The following FBXW8 variants were observed in gnomAD, a reference collection of about 807,000 sequenced individuals.
FBXW8 encodes F-box and WD repeat domain containing 8, also known as F-box/WD repeat-containing protein 8.
A neutral mutation model predicts 65.3 loss-of-function variants in FBXW8; 57 were observed. That is an observed-to-expected ratio of 0.87 (90% confidence interval 0.71 to 1.09). The LOEUF (loss-of-function observed/expected upper bound fraction) is 1.09. Among genes scored for constraint, FBXW8 ranks in the 50% least tolerant of loss-of-function variants. FBXW8 has a pLI of 0.00. For synonymous variants in FBXW8, 308 were observed against 330.2 expected, an observed-to-expected ratio of 0.93 and a Z score of 0.73; for missense variants, 777 against 814.8, an observed-to-expected ratio of 0.95 and a Z score of 0.57.
intron 4 of FBXW8, 64 bp from the exon 5 acceptor site, chr12:116,964,632 AT>A (rs1336578950): frequency 5.0e-6 from 8 of 1,593,104 alleles, no homozygotes; most frequent in Non-Finnish European, 6.0e-6. Context: ...GGCTCTGTGC[AT>A]TTTCCCCACC....
intron 1 of FBXW8, among the ~76,000 whole-genome samples, chr12:116,917,545 A>G (rs967425099): frequency 6.6e-6 from 1 of 152,180 alleles, no homozygotes; most frequent in African/African-American, 2.4e-5. Flanking sequence ...TCCACTTCAG[A>G]GTCTTCAGTA....
intron 5 of FBXW8, among the ~76,000 whole-genome samples, chr12:116,984,243 C>T (rs1179544282): frequency 1.3e-5 from 2 of 152,144 alleles, no homozygotes; most frequent in Non-Finnish European, 2.9e-5. Flanking sequence ...GACCACTGGT[C>T]CTAAACTCCA....
rs1879891940 is a variant in FBXW8, at chr12:116,911,166, C to CGGGCGCGGCGAACAGGCCTCGGG, written c.132_154dup (p.Asp52GlyfsTer36). On this transcript the variant is annotated frameshift_variant, in exon 1 of 11. Coordinates refer to ENST00000652555, the MANE Select transcript of FBXW8 (RefSeq NM_153348.3). LOFTEE classifies it high-confidence loss of function. ...GGGCTCGGCGGCCGGAGGTGGGCTC[C>CGGGCGCGGCGAACAGGCCTCGGG]GGGCGCGGCGAACAGGCCTCGGGGG... The CGGGCGCGGCGAACAGGCCTCGGG allele has an allele frequency of 7.5e-7, 1 of 1,331,992 alleles. No homozygotes were observed. Among genetic ancestry groups the CGGGCGCGGCGAACAGGCCTCGGG allele is most frequent in the African/African-American group, 1.5e-5 (1 of 64,768 alleles). The allele number at this position is 1,331,992 out of a possible 1,614,324, so 82.5% of individuals were successfully genotyped here.
intron 8 of FBXW8, 91 bp from the exon 9 acceptor site, chr12:117,024,056 G>A: frequency 7.3e-7 from 1 of 1,372,788 alleles, no homozygotes; most frequent in Non-Finnish European, 1.0e-6. Context: ...GCAGTGTTGT[G>A]CATAGACCAG....
At chr12:116,987,997 A>G (rs1953135904) in intron 6 of FBXW8, among the ~76,000 whole-genome samples, 1 of 152,206 alleles carries the variant, frequency 6.6e-6, no homozygotes, top group Non-Finnish European at 1.5e-5. Context: ...TGGGAGAACC[A>G]TGCCATTTGT....
rs1254016180 is a variant in FBXW8, at chr12:116,985,225, T to G, written c.855T>G (p.Asp285Glu). The G allele has an allele frequency of 6.2e-7, 1 of 1,605,414 alleles. No homozygotes were observed. The highest frequency in any genetic ancestry group is 1.7e-5 in the Admixed American group (1 of 57,688). ...GCATAGGGTTTCTTAATATTTGGGATTTAAGGACCGGAAAGTACCCTGTTC... is the reference window on the plus strand; with the variant it reads ...GCATAGGGTTTCTTAATATTTGGGAGTTAAGGACCGGAAAGTACCCTGTTC... ...AYEDGFLNIWDLRTGKYPVHR... is the reference protein window; with the variant it reads ...AYEDGFLNIWELRTGKYPVHR... Residue 285 changes from aspartate (D) to glutamate (E), a missense_variant, in exon 6 of 11, where the codon GAT becomes GAG. Asp to Glu is a conservative substitution (Grantham distance 45, BLOSUM62 2). Coordinates refer to ENST00000652555, the MANE Select transcript of FBXW8 (RefSeq NM_153348.3).
At chr12:116,967,005 A>G (rs368839356) in intron 5 of FBXW8, among the ~76,000 whole-genome samples, 1 of 151,372 alleles carries the variant, frequency 6.6e-6, no homozygotes, top group African/African-American at 2.4e-5. Context: ...TTTTTTTTTT[A>G]AAGTCATAGT....
At position 116,947,360 on chromosome 12, in the gene FBXW8, A is replaced by G. The variant is rs111491819; in HGVS notation, c.588+1832A>G. Among the ~76,000 whole-genome samples, 327 of 152,200 alleles carry G rather than the reference A, an allele frequency of 2.1e-3. 2 individuals are homozygous for G. The highest frequency in any genetic ancestry group is 7.6e-3 in the African/African-American group (316 of 41,514). The stretch of plus-strand genomic sequence containing the variant: ...ATTTCCTGACAGTGTTAACAAGGAG[A>G]ATTCTAGGAGTGAAATTTTAAATGA... On this transcript the variant is annotated intron_variant, in intron 3 of 10. Coordinates refer to ENST00000652555, the MANE Select transcript of FBXW8 (RefSeq NM_153348.3).
chr12:117,017,335 C>T (rs951805874), intron 8 of FBXW8, among the ~76,000 whole-genome samples: 6 of 152,108 alleles, frequency 3.9e-5, no homozygotes, highest in Non-Finnish European at 7.3e-5. Flanking sequence ...CCAGTCAGTC[C>T]GAAGGGCTTG....
In FBXW8 at chr12:116,985,334, G is replaced by T. The variant is rs1462638122; in HGVS notation, c.964G>T (p.Val322Phe). The T allele has an allele frequency of 3.1e-6, 5 of 1,614,222 alleles. No homozygotes were observed. Among genetic ancestry groups the T allele is most frequent in the Non-Finnish European group, 3.4e-6 (4 of 1,180,040 alleles). Residue 322 changes from valine (V) to phenylalanine (F), a missense_variant, in exon 6 of 11, where the codon GTC becomes TTC. Physicochemically the swap from Val to Phe is conservative, Grantham distance 50. Coordinates refer to ENST00000652555, the MANE Select transcript of FBXW8 (RefSeq NM_153348.3). ...CGTGGCCACAGCTTCTGCTTTTGAT[G>T]TCGTGATGTTATCCCCCAATGAGGA... ...ATVATASAFD[V>F]VMLSPNEEGY...
At chr12:116,922,650 T>TA (rs1880991974) in intron 1 of FBXW8, among the ~76,000 whole-genome samples, 1 of 152,232 alleles carries the variant, frequency 6.6e-6, no homozygotes, top group African/African-American at 2.4e-5. Context: ...GAATTAGTCT[T>TA]ACATTAGCAC....
At chr12:116,972,144 T>C (rs1436404054) in intron 5 of FBXW8, among the ~76,000 whole-genome samples, 8 of 152,250 alleles carry the variant, frequency 5.3e-5, no homozygotes, top group African/African-American at 1.9e-4. Context: ...TTTTTAATAA[T>C]AGACATTAAG....
At chr12:116,995,560 A>AT (rs745431438) in intron 7 of FBXW8, among the ~76,000 whole-genome samples, 1 of 151,770 alleles carries the variant, frequency 6.6e-6, no homozygotes, top group Non-Finnish European at 1.5e-5. Context: ...AATGTTTGGT[A>AT]TTTTTTTCCT....
At chr12:116,949,459 G>T in intron 3 of FBXW8, 159 bp from the exon 4 acceptor site, 1 of 658,166 alleles carries the variant, frequency 1.5e-6, no homozygotes, top group Non-Finnish European at 2.8e-6. Context: ...TAGCATGTTA[G>T]TCATCATCTT....
chr12:116,951,980 C>T (rs1883313658), intron 4 of FBXW8, among the ~76,000 whole-genome samples: 2 of 152,252 alleles, frequency 1.3e-5, no homozygotes, highest in Admixed American at 6.5e-5. Context: ...TTTGCTTACT[C>T]TACAGTCTTA....
chr12:117,028,158 T>G lies in FBXW8; in HGVS notation c.1783T>G (p.Tyr595Asp). Residue 595 changes from tyrosine (Y) to aspartate (D), a missense_variant, in exon 11 of 11, where the codon TAT becomes GAT. Transcript: ENST00000652555. The surrounding 1 kb of genome is among the most constrained non-coding windows in gnomAD (Gnocchi z 4.1). ...CTACGACCTCGCACTGGCCTTTCCC[T>G]ATAACCATGTTTAGGGATGTGCCTC... ...HYYDLALAFP[Y>D]NHV 2 of 1,614,094 alleles carry G rather than the reference T, an allele frequency of 1.2e-6. No individual in the cohort carries two copies. Among genetic ancestry groups the G allele is most frequent in the Non-Finnish European group, 8.5e-7 (1 of 1,180,002 alleles).
At chr12:116,984,509 TAGG>T (rs1226693119) in intron 5 of FBXW8, among the ~76,000 whole-genome samples, 1 of 152,182 alleles carries the variant, frequency 6.6e-6, no homozygotes, top group Admixed American at 6.5e-5. Context: ...ACAGAGGCTT[TAGG>T]AGGATGGCGC....
At chr12:116,990,884 T>A (rs1452352117) in intron 7 of FBXW8, among the ~76,000 whole-genome samples, 1 of 152,162 alleles carries the variant, frequency 6.6e-6, no homozygotes, top group Non-Finnish European at 1.5e-5. Context: ...GCACAGTGGC[T>A]CACATCTGTA....
chr12:117,018,839 T>G (rs538766147), intron 8 of FBXW8, among the ~76,000 whole-genome samples: 7 of 152,350 alleles, frequency 4.6e-5, no homozygotes, highest in African/African-American at 1.4e-4. Flanking sequence ...AATTTGTGTT[T>G]GCCTTTGTCT....
Sources: gnomAD v4.1 joint callset for allele counts (sites outside exome capture counted in the v4.1 genomes callset) on GRCh38, gnomAD v4.1.1 for gene constraint, Gnocchi (gnomAD v3.1) non-coding constraint, MANE v1.5 for transcripts, NCBI Gene and HGNC (gene_info 2026-07-23, HGNC 2026-07-21) for gene names.